Variants in PKIG observed in about 807,000 individuals in gnomAD.
PKIG encodes the protein cAMP-dependent protein kinase inhibitor gamma, also known as protein kinase (cAMP-dependent, catalytic) inhibitor gamma.
A neutral mutation model predicts 6.8 loss-of-function variants in PKIG; 1 was observed. That is an observed-to-expected ratio of 0.15 (90% CI 0.05 to 0.69). The LOEUF (loss-of-function observed/expected upper bound fraction) is 0.69, where lower values mean the gene tolerates loss of function less well. PKIG is among the 30% of genes least tolerant of loss of function. The pLI, the probability that PKIG is intolerant of heterozygous loss-of-function variation, is 0.82. For missense variants in PKIG, 77 were observed against 104.0 expected (o/e 0.74, Z 1.13); for synonymous variants, 39 against 43.0 (o/e 0.91, Z 0.36).
chr20:44,546,162 T>A (rs1388359370), intron 1 of PKIG, among the ~76,000 whole-genome samples: 9 of 151,964 alleles, frequency 5.9e-5, no homozygotes, highest in Non-Finnish European at 7.4e-5. Context: ...GGTGGGAGAA[T>A]CACCTGAGCC....
Position 44,614,540 on chromosome 20 carries a change from G to A in PKIG, c.-17G>A. The A allele has an allele frequency of 6.2e-7, 1 of 1,613,056 alleles. No homozygotes were observed. The highest frequency in any genetic ancestry group is 8.5e-7 in the Non-Finnish European group (1 of 1,179,292). ...TTGCCTTCTGTCCCCACAGGCCTGA[G>A]GAGCGATGCGACAGGCATGATGGAG... On this transcript the variant is annotated 5_prime_UTR_variant, in exon 3 of 4. Transcript: ENST00000372886. This position sits in a 1 kb window ranked among gnomAD's most constrained non-coding sequence, Gnocchi z 4.6.
intron 1 of PKIG, among the ~76,000 whole-genome samples, chr20:44,551,824 TCTC>T (rs770938586): frequency 3.9e-5 from 6 of 152,224 alleles, no homozygotes; most frequent in South Asian, 4.1e-4. Flanking sequence ...TATCTGTAAT[TCTC>T]CTTTAGTTCT....
chr20:44,601,937 G>C (rs1331852946), intron 2 of PKIG, among the ~76,000 whole-genome samples: 1 of 152,200 alleles, frequency 6.6e-6, no homozygotes, highest in African/African-American at 2.4e-5. Context: ...AAAGCTGGGG[G>C]GAGTATTAGA....
rs1347522527 is a variant in PKIG at position 44,618,794 on chromosome 20, T to C, written c.*430T>C. The C allele has an allele frequency of 6.3e-6, 1 of 159,742 alleles. No individual in the cohort carries two copies. Among genetic ancestry groups the C allele is most frequent in the African/African-American group, 2.4e-5 (1 of 41,566 alleles). 9.9% of individuals were successfully genotyped at this position (159,742 alleles called of 1,614,324 possible). On this transcript the variant is annotated 3_prime_UTR_variant, in exon 4 of 4. Transcript: ENST00000372886. ...CTTGTCCCTTTTTTAGAAAACACTT[T>C]TAAACTTTTTAAAAATTTTAAACCT... is the stretch of plus-strand genomic sequence containing the variant.
intron 2 of PKIG, among the ~76,000 whole-genome samples, chr20:44,607,919 C>T (rs1268435784): frequency 6.6e-6 from 1 of 152,070 alleles, no homozygotes; most frequent in African/African-American, 2.4e-5. Context: ...CTCTTGACCT[C>T]GTGATCCACA....
chr20:44,556,233 TA>T (rs1288807062), intron 1 of PKIG, among the ~76,000 whole-genome samples: 1 of 152,252 alleles, frequency 6.6e-6, no homozygotes, highest in Non-Finnish European at 1.5e-5. Context: ...TGTTCTCATT[TA>T]GCTGAATCTC....
At chr20:44,547,054 G>A (rs1350195391) in intron 1 of PKIG, among the ~76,000 whole-genome samples, 17 of 152,066 alleles carry the variant, frequency 1.1e-4, no homozygotes, top group Admixed American at 1.1e-3. Context: ...AGCTTGTTGA[G>A]GACAGGAGTC....
Position 44,593,333 on chromosome 20 carries a change from C to CA in PKIG, c.-24+3478dup, listed in dbSNP as rs1157193152. 1.2e-3 allele frequency among the ~76,000 whole-genome samples: 158 copies of CA among 133,662 alleles called. 1 individual carries two copies. In the East Asian group the frequency reaches 0.021, roughly 18 times the overall value. 87.7% of individuals were successfully genotyped at this position (133,662 alleles called of 152,430 possible). On this transcript the variant is annotated intron_variant, in intron 2 of 3. Coordinates refer to ENST00000372886, the MANE Select transcript of PKIG (RefSeq NM_001281445.2). ...TGGCTGAAAGAGTGAGATTATGTCTCAAAAAAAAAAATTATAATGCTATAA... is the reference window on the plus strand; with the variant it reads ...TGGCTGAAAGAGTGAGATTATGTCTCAAAAAAAAAAAATTATAATGCTATAA...
chr20:44,587,930 T>C (rs901864927), intron 1 of PKIG, among the ~76,000 whole-genome samples: 2 of 151,994 alleles, frequency 1.3e-5, no homozygotes, highest in Non-Finnish European at 2.9e-5. Context: ...CATCTACTGC[T>C]AAGAACCCTT....
At chr20:44,585,404 A>G (rs988331527) in intron 1 of PKIG, among the ~76,000 whole-genome samples, 4 of 152,186 alleles carry the variant, frequency 2.6e-5, no homozygotes, top group African/African-American at 9.7e-5. Flanking sequence ...TCTTCCTGAA[A>G]TAAATGTCAC....
At position 44,607,382 on chromosome 20, in the gene PKIG, T is replaced by A. The variant is rs1159483878; in HGVS notation, c.-23-7152T>A. ...GTGTATATATATATATATATATTTTTTTTTTTTTTTTTTTGAAATAGAGTC... is the reference window on the plus strand; with the variant it reads ...GTGTATATATATATATATATATTTTATTTTTTTTTTTTTTGAAATAGAGTC... On this transcript the variant is annotated intron_variant, in intron 2 of 3. Coordinates refer to ENST00000372886, the MANE Select transcript of PKIG (RefSeq NM_001281445.2). Among the ~76,000 whole-genome samples, 146 of 143,144 alleles carry A rather than the reference T, an allele frequency of 1.0e-3. 1 individual carries two copies. The South Asian group carries it at 0.011, about 11-fold the overall frequency. 93.9% of individuals were successfully genotyped at this position (143,144 alleles called of 152,430 possible).
chr20:44,592,488 A>G (rs1044515337), intron 2 of PKIG, among the ~76,000 whole-genome samples: 2 of 152,210 alleles, frequency 1.3e-5, no homozygotes, highest in African/African-American at 4.8e-5. Flanking sequence ...CCCCAGGTGC[A>G]TTAAACAGGG....
chr20:44,603,460 C>T (rs2065138862), intron 2 of PKIG, among the ~76,000 whole-genome samples: 1 of 152,132 alleles, frequency 6.6e-6, no homozygotes, highest in African/African-American at 2.4e-5. Flanking sequence ...TGGTAAACAA[C>T]AAAGCTGGGC....
At chr20:44,556,585 A>G (rs1221046396) in intron 1 of PKIG, among the ~76,000 whole-genome samples, 1 of 151,114 alleles carries the variant, frequency 6.6e-6, no homozygotes, top group African/African-American at 2.4e-5. Flanking sequence ...CTGGTCTTGA[A>G]CTCCTGACCT....
At chr20:44,569,691 C>T (rs1487200688) in intron 1 of PKIG, among the ~76,000 whole-genome samples, 2 of 152,158 alleles carry the variant, frequency 1.3e-5, no homozygotes, top group South Asian at 2.1e-4. Context: ...ACTGCAACCT[C>T]GGCCTCCCGA....
chr20:44,567,779 C>T (rs949474661), intron 1 of PKIG, among the ~76,000 whole-genome samples: 2 of 152,222 alleles, frequency 1.3e-5, no homozygotes, highest in Non-Finnish European at 2.9e-5. Context: ...AGACTGTTCC[C>T]GGCTGACAGA....
chr20:44,545,325 T>TTAGTTTTATTA (rs2064603527), intron 1 of PKIG, among the ~76,000 whole-genome samples: 1 of 151,914 alleles, frequency 6.6e-6, no homozygotes, highest in African/African-American at 2.4e-5. Flanking sequence ...CCCAGCCTGT[T>TTAGTTTTATTA]TAGTTTTATT....
At chr20:44,586,679 C>T (rs574690760) in intron 1 of PKIG, among the ~76,000 whole-genome samples, 34 of 152,274 alleles carry the variant, frequency 2.2e-4, no homozygotes, top group African/African-American at 8.2e-4. Flanking sequence ...TAAGTGGAGA[C>T]TGAGGTGGAA....
At chr20:44,608,667 C>G (rs2065187902) in intron 2 of PKIG, among the ~76,000 whole-genome samples, 1 of 151,806 alleles carries the variant, frequency 6.6e-6, no homozygotes, top group African/African-American at 2.4e-5. Flanking sequence ...AAAAATGAGC[C>G]AGACATGGAA....
Sources: gnomAD v4.1 joint callset for allele counts (sites outside exome capture counted in the v4.1 genomes callset) on GRCh38, gnomAD v4.1.1 for gene constraint, Gnocchi (gnomAD v3.1) non-coding constraint, MANE v1.5 for transcripts, NCBI Gene and HGNC (gene_info 2026-07-23, HGNC 2026-07-21) for gene names.